PNPLA7: variants seen among roughly 807,000 people sequenced by gnomAD.
PNPLA7 encodes the protein patatin-like phospholipase domain-containing protein 7.
In PNPLA7, 153 loss-of-function variants were observed where a neutral mutation model predicts 161.7. That is an observed-to-expected ratio of 0.95 (90% CI 0.83 to 1.08). The LOEUF is 1.08. Among genes scored for constraint, PNPLA7 ranks in the 50% least tolerant of loss-of-function variants. PNPLA7 has a pLI of 0.00. For missense variants in PNPLA7, 1,739 were observed against 1,856.6 expected, an observed-to-expected ratio of 0.94 and a Z score of 1.16; for synonymous variants, 809 against 782.1, an observed-to-expected ratio of 1.03 and a Z score of -0.57.
chr9:137,501,867 C>T (rs557307504), intron 14 of PNPLA7, 140 bp from the exon 15 acceptor site: 2 of 809,600 alleles, frequency 2.5e-6, no homozygotes, highest in African/African-American at 3.5e-5. Context: ...AGGCTGTCCT[C>T]CAACAAGGGC....
At chr9:137,504,717 C>T (rs183715145) in intron 14 of PNPLA7, among the ~76,000 whole-genome samples, 326 of 151,268 alleles carry the variant, frequency 2.2e-3, no homozygotes, top group African/African-American at 7.4e-3. Flanking sequence ...AGTCCTTAAC[C>T]GTTAGAGAGG....
rs575761317 is a variant in PNPLA7 at position 137,506,349 on chromosome 9, C to T, written c.1226-266G>A. ...TGGGCACTGATAAAGGTAGCCCGGT[C>T]GGTACCTAAAACACGGAAGGAAACC... On this transcript the variant is annotated intron_variant, in intron 12 of 34. Coordinates refer to ENST00000406427, the MANE Select transcript of PNPLA7 (RefSeq NM_001098537.3). 3.9e-5 allele frequency among the ~76,000 whole-genome samples: 6 copies of T among 152,322 alleles called. No individual in the cohort carries two copies. In the South Asian group the frequency reaches 8.3e-4, roughly 21 times the overall value.
rs1299308293 is a variant in PNPLA7 at position 137,476,948 on chromosome 9, G to A, written c.2882+1086C>T. On this transcript the variant is annotated intron_variant, in intron 25 of 34. Transcript: ENST00000406427. This position sits in a 1 kb window ranked among gnomAD's most constrained non-coding sequence, Gnocchi z 4.5. Reference sequence around the variant, plus strand: ...CCTAGAACAGCCCCAGGCTGACAGGGCCCTGCCCTGGGGCCAGCAGAAGCA... The same window carrying A: ...CCTAGAACAGCCCCAGGCTGACAGGACCCTGCCCTGGGGCCAGCAGAAGCA... Among the ~76,000 whole-genome samples the A allele has an allele frequency of 3.9e-5, 6 of 152,250 alleles. No homozygotes were observed. The highest frequency in any genetic ancestry group is 5.9e-5 in the Non-Finnish European group (4 of 68,044).
At chr9:137,544,415 T>C (rs1211764566) in intron 4 of PNPLA7, among the ~76,000 whole-genome samples, 2 of 152,150 alleles carry the variant, frequency 1.3e-5, no homozygotes, top group African/African-American at 4.8e-5. Context: ...TCAGCTTCCC[T>C]GTCCTCTGTG....
chr9:137,495,167 C>T, intron 18 of PNPLA7, 21 bp from the exon 19 acceptor site: 1 of 1,568,038 alleles, frequency 6.4e-7, no homozygotes, highest in African/African-American at 1.3e-5. Context: ...GAGCCGGCTG[C>T]TGGGGCCGCG....
At position 137,502,737 on chromosome 9, in the gene PNPLA7, C is replaced by T. The variant is rs114600380; in HGVS notation, c.1474-1010G>A. Among the ~76,000 whole-genome samples, 136 of 62,906 alleles carry T rather than the reference C, an allele frequency of 2.2e-3. 4 individuals carry two copies. Among genetic ancestry groups the T allele is most frequent in the East Asian group, 6.8e-3 (15 of 2,216 alleles). 41.3% of individuals were successfully genotyped at this position (62,906 alleles called of 152,430 possible). A position where few individuals can be genotyped will look rare whatever the true frequency, so the allele number is the denominator to read the frequency against. Reference sequence around the variant, plus strand: ...CGGGGGACGCGGGGGACGGGGGGGACGAGAGGGATGTGGGAGCCGGCCACG... The same window carrying T: ...CGGGGGACGCGGGGGACGGGGGGGATGAGAGGGATGTGGGAGCCGGCCACG... On this transcript the variant is annotated intron_variant, in intron 14 of 34. Transcript: ENST00000406427.
At chr9:137,548,119 T>A (rs1235725261) in intron 1 of PNPLA7, among the ~76,000 whole-genome samples, 1 of 152,122 alleles carries the variant, frequency 6.6e-6, no homozygotes, top group Non-Finnish European at 1.5e-5. Context: ...AGGCTCTGTG[T>A]CCTGCAGTCT....
Position 137,505,711 on chromosome 9 carries a change from T to G in PNPLA7, c.1376A>C (p.His459Pro), listed in dbSNP as rs376905607. ...GGTCTCATCCGTGTGACTCTCTGAG[T>G]GCTGGGAGACCGTGGAGGGTATCTC... Reference protein sequence around the residue: ...VAEIPSTVSQHSESHTDETLA... With the variant: ...VAEIPSTVSQPSESHTDETLA... The change falls in exon 14 of 35, where the codon CAC becomes CCC. Residue 459 changes from histidine (H) to proline (P), a missense_variant. Transcript: ENST00000406427. 289 of 1,614,062 alleles carry G rather than the reference T, an allele frequency of 1.8e-4. 3 individuals carry two copies. In the South Asian group the frequency reaches 3.1e-3, roughly 17 times the overall value.
chr9:137,479,027 G>A lies in PNPLA7; in HGVS notation c.2763+29C>T, dbSNP rs373870176. On this transcript the variant is annotated intron_variant, in intron 24 of 34. Transcript: ENST00000406427. ...TCGAGGAAATGAACCACGGAGCCACGGGCAGGCAGCCTCCTCTCCCCGCCT... is the reference window on the plus strand; with the variant it reads ...TCGAGGAAATGAACCACGGAGCCACAGGCAGGCAGCCTCCTCTCCCCGCCT... The A allele has an allele frequency of 2.7e-4, 418 of 1,527,326 alleles. 1 individual carries two copies. The highest frequency in any genetic ancestry group is 3.3e-4 in the Non-Finnish European group (377 of 1,131,812). 94.6% of individuals were successfully genotyped at this position (1,527,326 alleles called of 1,614,324 possible).
intron 25 of PNPLA7, among the ~76,000 whole-genome samples, chr9:137,470,130 C>G (rs1475187145): frequency 6.6e-6 from 1 of 151,756 alleles, no homozygotes; most frequent in Non-Finnish European, 1.5e-5. Context: ...CTCAAGTGAT[C>G]CCCCTCCTGC....
Position 137,501,736 on chromosome 9 carries a change from A to T in PNPLA7, c.1474-9T>A. ...TCCAACAGAGATGAGTCCTAAAAAC[A>T]GAGCAGACTTCAGGGAACACGGGCG... On this transcript the variant is annotated splice_polypyrimidine_tract_variant and intron_variant, in intron 14 of 34. Transcript: ENST00000406427. 6.2e-7 allele frequency: 1 copy of T among 1,612,150 alleles called. No homozygotes were observed. Among genetic ancestry groups the T allele is most frequent in the Non-Finnish European group, 8.5e-7 (1 of 1,179,598 alleles).
intron 8 of PNPLA7, among the ~76,000 whole-genome samples, chr9:137,526,529 A>G (rs565853884): frequency 2.0e-5 from 3 of 152,224 alleles, no homozygotes; most frequent in African/African-American, 4.8e-5. Flanking sequence ...CACCCGCCTC[A>G]GCCTCCCAAA....
In PNPLA7 at chr9:137,543,919, A is replaced by AGGCAG; in HGVS notation, c.274-105_274-104insCTGCC. The AGGCAG allele has an allele frequency of 1.1e-6, 1 of 927,880 alleles. No homozygotes were observed. Among genetic ancestry groups the AGGCAG allele is most frequent in the African/African-American group, 1.6e-5 (1 of 61,322 alleles). 57.5% of individuals were successfully genotyped at this position (927,880 alleles called of 1,614,324 possible). On this transcript the variant is annotated intron_variant, in intron 4 of 34. Transcript: ENST00000406427. The surrounding 1 kb of genome is among the most constrained non-coding windows in gnomAD (Gnocchi z 6.9). ...CAGGACCTGCCTGTGGGCCTCCCAC[A>AGGCAG]GTCCCAGCTTCAGCTCCTGGGGTCT...
At chr9:137,522,675 C>A (rs1835087956) in intron 9 of PNPLA7, 54 bp downstream of exon 9, 2 of 1,589,776 alleles carry the variant, frequency 1.3e-6, no homozygotes, top group Admixed American at 1.7e-5. Flanking sequence ...AGTGCCCAGG[C>A]CCCCCCAGGG....
intron 14 of PNPLA7, among the ~76,000 whole-genome samples, chr9:137,502,312 C>T (rs1162895130): frequency 6.6e-6 from 1 of 152,086 alleles, no homozygotes; most frequent in East Asian, 2.0e-4. Flanking sequence ...AACCCCCAGT[C>T]CACAGTGATG....
intron 26 of PNPLA7, among the ~76,000 whole-genome samples, chr9:137,465,479 A>G (rs965016609): frequency 2.0e-5 from 3 of 152,202 alleles, no homozygotes; most frequent in African/African-American, 7.2e-5. Flanking sequence ...CTGGGACAGG[A>G]CCGGCTCGGA....
rs980883624 is a variant in PNPLA7 at position 137,520,197 on chromosome 9, G to A, written c.958-154C>T. 6.6e-6 allele frequency among the ~76,000 whole-genome samples: 1 copy of A among 151,922 alleles called. No homozygotes were observed. Among genetic ancestry groups the A allele is most frequent in the African/African-American group, 2.4e-5 (1 of 41,348 alleles). On this transcript the variant is annotated intron_variant, in intron 10 of 34. Transcript: ENST00000406427. The surrounding 1 kb of genome is among the most constrained non-coding windows in gnomAD (Gnocchi z 5.2). ...TGTGACAGGTGTGGGACTCTCAAAG[G>A]TGTGACAGGTGTGGGCCTCTCAAAG...
intron 4 of PNPLA7, among the ~76,000 whole-genome samples, chr9:137,545,790 C>A (rs201713279): frequency 3.1e-4 from 44 of 141,094 alleles, no homozygotes; most frequent in Admixed American, 8.5e-4. Context: ...CTGTTATGCC[C>A]GGACAGGGCC....
At position 137,486,869 on chromosome 9, in the gene PNPLA7, G is replaced by C. The variant is rs922184471; in HGVS notation, c.2198-2133C>G. Among the ~76,000 whole-genome samples the C allele has an allele frequency of 2.0e-5, 3 of 151,986 alleles. No individual in the cohort carries two copies. Among genetic ancestry groups the C allele is most frequent in the Admixed American group, 2.0e-4 (3 of 15,248 alleles). ...GAGTCTGCAGCCTCAGCCCATCTGC[G>C]GTCCCTGAGAGCTGCTGGTGACCCC... is the stretch of plus-strand genomic sequence containing the variant. On this transcript the variant is annotated intron_variant, in intron 20 of 34. Coordinates refer to ENST00000406427, the MANE Select transcript of PNPLA7 (RefSeq NM_001098537.3). The surrounding 1 kb of genome is among the most constrained non-coding windows in gnomAD (Gnocchi z 6.0).
Sources: gnomAD v4.1 joint callset for allele counts (sites outside exome capture counted in the v4.1 genomes callset) on GRCh38, gnomAD v4.1.1 for gene constraint, Gnocchi (gnomAD v3.1) non-coding constraint, MANE v1.5 for transcripts, NCBI Gene and HGNC (gene_info 2026-07-23, HGNC 2026-07-21) for gene names.